CSF2RA: variants seen among roughly 807,000 people sequenced by gnomAD.
The protein encoded by CSF2RA is colony stimulating factor 2 receptor subunit alpha.
In CSF2RA, 42 loss-of-function variants were observed where a neutral mutation model predicts 51.6. The ratio of observed to expected loss-of-function variants is 0.81; its 90% CI spans 0.64 to 1.05. The LOEUF (loss-of-function observed/expected upper bound fraction) is 1.05, where lower values mean the gene tolerates loss of function less well. Ranked by LOEUF, CSF2RA falls within the 50% of genes least tolerant of loss-of-function variation. The pLI is 0.00. For missense variants in CSF2RA, 530 were observed against 501.1 expected, an observed-to-expected ratio of 1.06 and a Z score of -0.55; for synonymous variants, 222 against 193.0, an observed-to-expected ratio of 1.15 and a Z score of -1.24.
At chrX:1,304,738 C>T (rs755094690) in intron 11 of CSF2RA, among the ~76,000 whole-genome samples, 3 of 151,942 alleles carry the variant, frequency 2.0e-5, no homozygotes, top group Non-Finnish European at 4.4e-5. Context: ...AATCTCGGCT[C>T]ACTGCAACCT....
intron 4 of CSF2RA, chrX:1,287,203 G>T (rs1437406439): frequency 6.7e-6 from 1 of 148,954 alleles, no homozygotes; most frequent in Non-Finnish European, 1.5e-5. Flanking sequence ...GCCCAGGCTG[G>T]AGTACACTGG....
intron 11 of CSF2RA, among the ~76,000 whole-genome samples, chrX:1,304,466 T>G (rs2083345687): frequency 2.0e-5 from 3 of 149,808 alleles, no homozygotes; most frequent in Admixed American, 1.3e-4. Flanking sequence ...TCACAGGGAA[T>G]CTTTCTAGAA....
At chrX:1,284,660 A>ATTTTTTTTTTTTTT (rs61159606) in intron 3 of CSF2RA, among the ~76,000 whole-genome samples, 1 of 24,466 alleles carries the variant, frequency 4.1e-5, no homozygotes, top group Non-Finnish European at 7.0e-5. Flanking sequence ...CTAGTTTTTG[A>ATTTTTTTTTTTTTT]TTTTTTTTTT....
intron 3 of CSF2RA, among the ~76,000 whole-genome samples, chrX:1,283,699 C>G (rs2090320107): frequency 6.6e-6 from 1 of 151,850 alleles, no homozygotes; most frequent in Admixed American, 6.6e-5. Context: ...TCCCGAGTAG[C>G]TGGGATTACA....
downstream of CSF2RA, among the ~76,000 whole-genome samples, chrX:1,315,245 A>T (rs1365550166): frequency 9.9e-5 from 15 of 152,104 alleles, no homozygotes; most frequent in African/African-American, 3.1e-4. Flanking sequence ...AAAGAAATTT[A>T]AAAAATAGAT....
Position 1,295,007 on chromosome X carries a change from G to A in CSF2RA, c.781-420G>A, listed in dbSNP as rs765269401. Among the ~76,000 whole-genome samples, 4 of 118,454 alleles carry A rather than the reference G, an allele frequency of 3.4e-5. No individual in the cohort carries two copies. The South Asian group carries it at 1.1e-3, about 34-fold the overall frequency. The allele number at this position is 118,454 out of a possible 152,430, so 77.7% of individuals were successfully genotyped here. A position where few individuals can be genotyped will look rare whatever the true frequency, so the allele number is the denominator to read the frequency against. On this transcript the variant is annotated intron_variant, in intron 8 of 12. Transcript: ENST00000381529. ...CCTCGATCCAGTGTAGACAAGAGGA[G>A]ATCTTGTCTCACAACCTCCTGGACC...
chrX:1,313,189 C>T (rs2084258833), downstream of CSF2RA, among the ~76,000 whole-genome samples: 1 of 152,016 alleles, frequency 6.6e-6, no homozygotes, highest in African/African-American at 2.4e-5. Context: ...TTTGCCAGGC[C>T]AAGGCAGGTG....
At chrX:1,303,772 AACCAAAAACAGGGAGGCAGGTT>A (rs2148648247) in intron 10 of CSF2RA, 129 bp from the exon 11 acceptor site, 1 of 779,096 alleles carries the variant, frequency 1.3e-6, no homozygotes, top group East Asian at 2.4e-5. Context: ...CTTAGTTAAG[AACCAAAAACAGGGAGGCAGGTT>A]TGCTGGGCCC....
chrX:1,276,883 A>G (rs2089254412), intron 2 of CSF2RA, among the ~76,000 whole-genome samples: 2 of 151,452 alleles, frequency 1.3e-5, no homozygotes, highest in Non-Finnish European at 2.9e-5. Flanking sequence ...GGTGGATCAC[A>G]AGGTCAGGAG....
chrX:1,324,311 T>C, the CSF2RA span, among the ~76,000 whole-genome samples: 1 of 131,762 alleles, frequency 7.6e-6, no homozygotes, highest in Non-Finnish European at 1.5e-5. Context: ...CTGGGCCACA[T>C]AGCAAGATCC....
At chrX:1,301,794 C>T (rs1224197389) in intron 10 of CSF2RA, among the ~76,000 whole-genome samples, 5 of 149,780 alleles carry the variant, frequency 3.3e-5, no homozygotes, top group East Asian at 2.0e-4. Flanking sequence ...TTAGTAGAGA[C>T]AGGGTTTCAC....
chrX:1,285,364 C>G (rs1213030346), intron 3 of CSF2RA, among the ~76,000 whole-genome samples: 1 of 152,016 alleles, frequency 6.6e-6, no homozygotes, highest in Admixed American at 6.6e-5. Flanking sequence ...AGGCTTCAGC[C>G]CTGAACTTCA....
chrX:1,301,555 C>T (rs1232221976), intron 10 of CSF2RA, among the ~76,000 whole-genome samples: 7 of 148,870 alleles, frequency 4.7e-5, no homozygotes, highest in Non-Finnish European at 7.4e-5. Flanking sequence ...GTCACCATTC[C>T]GGCTCCCTGG....
At chrX:1,300,721 C>G (rs191218393) in intron 10 of CSF2RA, 95 bp downstream of exon 10, 94 of 1,531,580 alleles carry the variant, frequency 6.1e-5, no homozygotes, top group Non-Finnish European at 8.3e-5. Flanking sequence ...GCGCTGAGAT[C>G]GAGTTGAGCA....
At chrX:1,304,788 C>G (rs2083388056) in intron 11 of CSF2RA, among the ~76,000 whole-genome samples, 1 of 151,332 alleles carries the variant, frequency 6.6e-6, no homozygotes, top group Admixed American at 6.6e-5. Context: ...CCTCAGCCTC[C>G]CGAGTAGCTG....
the CSF2RA span, among the ~76,000 whole-genome samples, chrX:1,316,249 GA>G: frequency 2.5e-3 from 339 of 136,034 alleles, 1 homozygote; most frequent in East Asian, 0.012. Flanking sequence ...ACAGATGATA[GA>G]TTAGATAGAT....
intron 2 of CSF2RA, among the ~76,000 whole-genome samples, chrX:1,280,791 G>C (rs1184215570): frequency 7.3e-6 from 1 of 136,320 alleles, no homozygotes; most frequent in Non-Finnish European, 1.5e-5. Flanking sequence ...GAAGTATATT[G>C]ACATGGATCC....
At chrX:1,306,991 G>C (rs2083640691) in intron 12 of CSF2RA, among the ~76,000 whole-genome samples, 1 of 151,800 alleles carries the variant, frequency 6.6e-6, no homozygotes, top group African/African-American at 2.4e-5. Flanking sequence ...AGACAGGGAA[G>C]ACAGAGGAGT....
chrX:1,269,871 G>C (rs2088139965), intron 1 of CSF2RA, among the ~76,000 whole-genome samples: 1 of 152,000 alleles, frequency 6.6e-6, no homozygotes, highest in African/African-American at 2.4e-5. Flanking sequence ...ACTTTTGGAG[G>C]CTGAGGCGGG....
Sources: allele counts gnomAD v4.1 joint callset (sites outside exome capture counted in the v4.1 genomes callset), GRCh38; gene constraint gnomAD v4.1.1; transcripts MANE v1.5; gene names NCBI Gene and HGNC (gene_info 2026-07-23, HGNC 2026-07-21).